The following AARS2 variants were observed in gnomAD, a reference collection of about 807,000 sequenced individuals.
AARS2 encodes alanyl-tRNA synthetase 2, mitochondrial.
AARS2 carries 78 observed loss-of-function variants against 119.7 expected under a neutral mutation model. The observed-to-expected ratio is 0.65, with a 90% CI of 0.54 to 0.79. AARS2 has a LOEUF of 0.79. Ranked by LOEUF, AARS2 falls within the 30% of genes least tolerant of loss-of-function variation. AARS2 has a pLI of 0.00. For synonymous variants in AARS2, 502 were observed against 526.3 expected (o/e 0.95, Z 0.63); for missense variants, 1,157 against 1,291.3 (o/e 0.90, Z 1.59).
chr6:44,302,060 C>A lies in AARS2; in HGVS notation c.2598G>T (p.Gln866His). 1 of 1,614,034 alleles carries A rather than the reference C, an allele frequency of 6.2e-7. No homozygotes were observed. The highest frequency in any genetic ancestry group is 8.5e-7 in the Non-Finnish European group (1 of 1,179,974). ...TGGGTGCAGCCAAACCTCCTCTCAC[C>A]TGTCCCATTTGCAGCTTACGGATGG... is the stretch of plus-strand genomic sequence containing the variant. Reference protein sequence around the residue: ...NTAIRKLQMGQAAKKTQELLE... With the variant: ...NTAIRKLQMGHAAKKTQELLE... Residue 866 changes from glutamine (Q) to histidine (H), a missense_variant and splice_region_variant, in exon 19 of 22, where the codon CAG (glutamine) becomes CAT (histidine). Physicochemically the swap from Gln to His is conservative, Grantham distance 24 (BLOSUM62 0). Coordinates refer to ENST00000244571, the MANE Select transcript of AARS2 (RefSeq NM_020745.4).
Position 44,302,887 on chromosome 6 carries a change from A to G in AARS2, c.2279T>C (p.Val760Ala). 6.2e-7 allele frequency: 1 copy of G among 1,614,148 alleles called. No homozygotes were observed. Among genetic ancestry groups the G allele is most frequent in the Non-Finnish European group, 8.5e-7 (1 of 1,180,030 alleles). Residue 760 changes from valine (V) to alanine (A), a missense_variant, in exon 17 of 22, where the codon GTA becomes GCA. Coordinates refer to ENST00000244571, the MANE Select transcript of AARS2 (RefSeq NM_020745.4). ...CGTHLLRTGAVGDLVIIGDRQ... is the reference protein window; with the variant it reads ...CGTHLLRTGAAGDLVIIGDRQ... The stretch of plus-strand genomic sequence containing the variant: ...GTCCCCGATGATAACCAGGTCCCCT[A>G]CAGCCCCAGTACGTAACAGGTGCCT...
At chr6:44,304,152 T>C (rs1477779047) in intron 14 of AARS2, 29 bp downstream of exon 14, 2 of 1,612,104 alleles carry the variant, frequency 1.2e-6, no homozygotes, top group Non-Finnish European at 1.7e-6. Flanking sequence ...TCACCTCACA[T>C]GAAGCCTGTC....
chr6:44,304,462 C>T lies in AARS2; in HGVS notation c.1824G>A (p.Glu608=). The T allele has an allele frequency of 2.5e-6, 4 of 1,614,214 alleles. No individual in the cohort carries two copies. The highest frequency in any genetic ancestry group is 2.2e-5 in the East Asian group (1 of 44,882). Reference sequence around the variant, plus strand: ...GCACCTGGTCCCCTAACCGCAGGCACTCAGGGGCTACTGCCTCATGCAGGA... The same window carrying T: ...GCACCTGGTCCCCTAACCGCAGGCATTCAGGGGCTACTGCCTCATGCAGGA... ...GFILHEAVAP[E]CLRLGDQVQL... is the part of the protein sequence containing the mutation. The change falls in exon 13 of 22, where the codon GAG becomes GAA. Residue 608 remains glutamate, a synonymous_variant. Transcript: ENST00000244571.
At chr6:44,301,527 A>T in intron 19 of AARS2, 63 bp from the exon 20 acceptor site, 1 of 1,446,232 alleles carries the variant, frequency 6.9e-7, no homozygotes, top group Non-Finnish European at 9.6e-7. Flanking sequence ...ATTAGCCCCA[A>T]CTTCTGAACT....
intron 19 of AARS2, 57 bp from the exon 20 acceptor site, chr6:44,301,521 G>T: frequency 6.7e-7 from 1 of 1,501,686 alleles, no homozygotes. Flanking sequence ...TTTCCAATTA[G>T]CCCCAACTTC....
rs774493482 is a variant in AARS2, at chr6:44,307,323, G to A, written c.966C>T (p.Arg322=). Residue 322 remains arginine, a synonymous_variant, in exon 6 of 22, where the codon CGC becomes CGT. Transcript: ENST00000244571. The surrounding 1 kb of genome is among the most constrained non-coding windows in gnomAD (Gnocchi z 4.4). ...ADEGRTDTAY[R]VVADHIRTLS... ...GTGTGCGGATGTGGTCAGCCACCAC[G>A]CGGTACGCTGTGTCTGTGCGCCCCT... 4.3e-6 allele frequency: 7 copies of A among 1,613,404 alleles called. No homozygotes were observed. In the African/African-American group the frequency reaches 5.3e-5, roughly 12 times the overall value.
At position 44,313,168 on chromosome 6, in the gene AARS2, G is replaced by A. The variant is rs1468933343; in HGVS notation, c.156C>T (p.Asp52=). 3 of 1,612,916 alleles carry A rather than the reference G, an allele frequency of 1.9e-6. No individual in the cohort carries two copies. Among genetic ancestry groups the A allele is most frequent in the South Asian group, 1.1e-5 (1 of 90,948 alleles). The change falls in exon 1 of 22, where the codon GAC becomes GAT. Residue 52 remains aspartate, a synonymous_variant. Transcript: ENST00000244571. ...AGGGCACCAGCCGGTGGCCATGGCGGTCCCGAAAGAAGTTCAGAAAGGCGG... is the reference window on the plus strand; with the variant it reads ...AGGGCACCAGCCGGTGGCCATGGCGATCCCGAAAGAAGTTCAGAAAGGCGG... The part of the protein sequence containing the change: ...VRAAFLNFFR[D]RHGHRLVPSA...
chr6:44,301,096 G>A (rs1157025191), intron 21 of AARS2, 60 bp downstream of exon 21: 4 of 1,475,620 alleles, frequency 2.7e-6, no homozygotes, highest in Non-Finnish European at 3.7e-6. Flanking sequence ...TGTAAAATCA[G>A]AGAGCTGGAC....
chr6:44,304,036 A>C (rs1241604168), intron 14 of AARS2, 145 bp downstream of exon 14: 3 of 1,209,686 alleles, frequency 2.5e-6, no homozygotes, highest in Non-Finnish European at 3.5e-6. Flanking sequence ...CCCAAGGGGA[A>C]AGGACTTGCC....
chr6:44,304,903 C>G (rs756371405), intron 11 of AARS2, 86 bp from the exon 12 acceptor site: 6 of 1,608,334 alleles, frequency 3.7e-6, no homozygotes, highest in Non-Finnish European at 5.1e-6. Flanking sequence ...ACAAGCACCC[C>G]CGCTGGCAGG....
chr6:44,313,052 G>T (rs1786509516), intron 1 of AARS2, 29 bp downstream of exon 1: 3 of 1,611,728 alleles, frequency 1.9e-6, no homozygotes, highest in East Asian at 2.2e-5. Flanking sequence ...CACGAACTCC[G>T]CTCCCTATCA....
chr6:44,310,231 G>A, intron 5 of AARS2, 68 bp downstream of exon 5: 3 of 1,527,242 alleles, frequency 2.0e-6, no homozygotes, highest in Non-Finnish European at 2.7e-6. Context: ...CAACAAAGAT[G>A]GAATGCAATG....
chr6:44,313,343 T>C lies in AARS2; in HGVS notation c.-20A>G. 6.3e-7 allele frequency: 1 copy of C among 1,597,192 alleles called. No homozygotes were observed. The highest frequency in any genetic ancestry group is 8.5e-7 in the Non-Finnish European group (1 of 1,178,664). ...TGCCATCGTAGCTCCGGGCAGTGAC[T>C]TTACGTGGTCAAAGAGTGACGAGGG... On this transcript the variant is annotated 5_prime_UTR_variant, in exon 1 of 22. Transcript: ENST00000244571.
intron 5 of AARS2, among the ~76,000 whole-genome samples, chr6:44,308,279 T>C (rs1786036040): frequency 1.3e-5 from 2 of 152,156 alleles, no homozygotes; most frequent in Non-Finnish European, 2.9e-5. Context: ...GGCTCACACC[T>C]GTAATCTCAA....
Position 44,304,173 on chromosome 6 carries a change from G to T in AARS2, c.2007+8C>A. The T allele has an allele frequency of 6.2e-7, 1 of 1,613,042 alleles. No individual in the cohort carries two copies. The highest frequency in any genetic ancestry group is 8.5e-7 in the Non-Finnish European group (1 of 1,180,012). ...CACATGAAGCCTGTCTTTCTATGCC[G>T]GGCTCACCTGGGTGGTCACATCCAA... On this transcript the variant is annotated splice_region_variant and intron_variant, in intron 14 of 21. Coordinates refer to ENST00000244571, the MANE Select transcript of AARS2 (RefSeq NM_020745.4).
In AARS2 at chr6:44,312,217, G is replaced by A. The variant is rs1786420391; in HGVS notation, c.290C>T (p.Ala97Val). 1.2e-6 allele frequency: 2 copies of A among 1,614,062 alleles called. No homozygotes were observed. Among genetic ancestry groups the A allele is most frequent in the Admixed American group, 1.7e-5 (1 of 60,030 alleles). The stretch of plus-strand genomic sequence containing the variant: ...GCTGTTGGCCACACGTCGGAAGCCT[G>A]CCATCTCGCTTCGTGGATCCACGGT... ...LGTVDPRSEM[A>V]GFRRVANSQK... The change falls in exon 2 of 22, where the codon GCA becomes GTA. Residue 97 changes from alanine (A) to valine (V), a missense_variant. Ala to Val is a moderately conservative substitution (Grantham distance 64). Transcript: ENST00000244571.
In AARS2 at chr6:44,299,378, C is replaced by T. The variant is rs890663243; in HGVS notation, c.*1169G>A. ...TTTCCCACCTCAGCCTCCCAAGTAG[C>T]TGGGACCAAGGTGTGGGTAGTCTCA... On this transcript the variant is annotated 3_prime_UTR_variant, in exon 22 of 22. Coordinates refer to ENST00000244571, the MANE Select transcript of AARS2 (RefSeq NM_020745.4). Among the ~76,000 whole-genome samples the T allele has an allele frequency of 3.9e-5, 6 of 151,996 alleles. No individual in the cohort carries two copies. Among genetic ancestry groups the T allele is most frequent in the African/African-American group, 1.4e-4 (6 of 41,392 alleles).
chr6:44,310,518 A>G, intron 4 of AARS2, 75 bp from the exon 5 acceptor site: 1 of 1,585,300 alleles, frequency 6.3e-7, no homozygotes, highest in Non-Finnish European at 8.6e-7. Flanking sequence ...AGTGGAGTAG[A>G]GAAATGGGGG....
At position 44,304,204 on chromosome 6, in the gene AARS2, G is replaced by A; in HGVS notation, c.1984C>T (p.Leu662=). 6.2e-7 allele frequency: 1 copy of A among 1,613,968 alleles called. No individual in the cohort carries two copies. Among genetic ancestry groups the A allele is most frequent in the Non-Finnish European group, 8.5e-7 (1 of 1,180,028 alleles). The change falls in exon 14 of 22, where the codon CTG becomes TTG. Residue 662 remains leucine, a synonymous_variant. Transcript: ENST00000244571. ...ACCTGGGTGGTCACATCCAAGCGCA[G>A]CTGCTCAGGATTGAGATGGGAGCCC... ...QQGSHLNPEQ[L]RLDVTTQTPL...
Sources: allele counts gnomAD v4.1 joint callset (sites outside exome capture counted in the v4.1 genomes callset), GRCh38; gene constraint gnomAD v4.1.1; non-coding constraint Gnocchi (gnomAD v3.1); transcripts MANE v1.5; gene names NCBI Gene and HGNC (gene_info 2026-07-23, HGNC 2026-07-21).